Variants in TOMM70 observed in about 807,000 individuals in gnomAD.
The protein encoded by TOMM70 is mitochondrial import receptor subunit TOM70.
A neutral mutation model predicts 73.6 loss-of-function variants in TOMM70; 13 were observed. The ratio of observed to expected loss-of-function variants is 0.18; its 90% CI spans 0.11 to 0.28. TOMM70 has a LOEUF of 0.28. TOMM70 is among the 10% of genes least tolerant of loss of function. The pLI is 1.00. For synonymous variants in TOMM70, 257 were observed against 271.2 expected (o/e 0.95, Z 0.51); for missense variants, 609 against 747.5 (o/e 0.81, Z 2.16).
intron 5 of TOMM70, among the ~76,000 whole-genome samples, chr3:100,379,347 G>C (rs28655373): frequency 0.015 from 2,334 of 152,304 alleles, 30 homozygotes; most frequent in African/African-American, 0.04. Flanking sequence ...CGTCAGGCCA[G>C]ACATGGTGGC....
intron 9 of TOMM70, among the ~76,000 whole-genome samples, chr3:100,370,379 G>A (rs1386283042): frequency 2.0e-5 from 3 of 152,104 alleles, no homozygotes; most frequent in Non-Finnish European, 4.4e-5. Flanking sequence ...ACCATTAAGT[G>A]AGTGTACCAC....
At position 100,363,718 on chromosome 3, in the gene TOMM70, T is replaced by C. The variant is rs1252254791; in HGVS notation, c.*1846A>G. On this transcript the variant is annotated 3_prime_UTR_variant, in exon 12 of 12. Coordinates refer to ENST00000284320, the MANE Select transcript of TOMM70 (RefSeq NM_014820.5). The stretch of plus-strand genomic sequence containing the variant: ...TAAATACAGCCATGCAAATAAAAAC[T>C]TTTTTAAAGTCAGAGGTCATTCAGA... The C allele has an allele frequency of 6.6e-6, 1 of 152,618 alleles. No individual in the cohort carries two copies. Among genetic ancestry groups the C allele is most frequent in the Non-Finnish European group, 1.5e-5 (1 of 68,024 alleles). The allele number at this position is 152,618 out of a possible 1,614,324, so 9.5% of individuals were successfully genotyped here. A position where few individuals can be genotyped will look rare whatever the true frequency, so the allele number is the denominator to read the frequency against.
At position 100,381,739 on chromosome 3, in the gene TOMM70, G is replaced by A; in HGVS notation, c.760C>T (p.Pro254Ser). The A allele has an allele frequency of 1.2e-6, 2 of 1,604,620 alleles. No homozygotes were observed. Among genetic ancestry groups the A allele is most frequent in the Non-Finnish European group, 1.7e-6 (2 of 1,174,578 alleles). ...CTGAAGTAAGATTTGATAAACTGTG[G>A]AGATGGCATCAGAGGTTCACGATTC... ...YKNREPLMPS[P>S]QFIKSYFSSF... is the part of the protein sequence containing the mutation. The change falls in exon 5 of 12, where the codon CCA becomes TCA. Residue 254 changes from proline to serine, a missense_variant. Physicochemically the swap from Pro to Ser is moderately conservative, Grantham distance 74 (BLOSUM62 -1). Coordinates refer to ENST00000284320, the MANE Select transcript of TOMM70 (RefSeq NM_014820.5).
At position 100,381,682 on chromosome 3, in the gene TOMM70, T is replaced by C. The variant is rs1003846805; in HGVS notation, c.817A>G (p.Met273Val). The C allele has an allele frequency of 2.5e-6, 4 of 1,613,262 alleles. No individual in the cohort carries two copies. The highest frequency in any genetic ancestry group is 1.3e-5 in the African/African-American group (1 of 74,994). Residue 273 changes from methionine to valine, a missense_variant, in exon 5 of 12, where the codon ATG becomes GTG. Physicochemically the swap from Met to Val is conservative, Grantham distance 21. Coordinates refer to ENST00000284320, the MANE Select transcript of TOMM70 (RefSeq NM_014820.5). The stretch of plus-strand genomic sequence containing the variant: ...TCATCAGATTTCTCTCCTTTAAGCA[T>C]GGGCTGGGAAATGATATCATCCGTG... ...SFTDDIISQP[M>V]LKGEKSDEDK...
At chr3:100,395,675 C>CACAT (rs143754052) in intron 1 of TOMM70, among the ~76,000 whole-genome samples, 1 of 151,818 alleles carries the variant, frequency 6.6e-6, no homozygotes, top group Non-Finnish European at 1.5e-5. Flanking sequence ...TACACACACA[C>CACAT]ATATATAAAA....
intron 1 of TOMM70, among the ~76,000 whole-genome samples, chr3:100,398,383 CAA>C (rs397970636): frequency 3.1e-4 from 30 of 97,976 alleles, no homozygotes; most frequent in African/African-American, 5.3e-4. Flanking sequence ...GACGCTGTCT[CAA>C]AAAAAAAAAA....
chr3:100,390,251 T>C (rs1249761920), intron 1 of TOMM70, among the ~76,000 whole-genome samples: 4 of 152,218 alleles, frequency 2.6e-5, no homozygotes, highest in South Asian at 4.1e-4. Flanking sequence ...TGAAGGACCA[T>C]ACTGTAGACT....
At position 100,368,108 on chromosome 3, in the gene TOMM70, C is replaced by T. The variant is rs1450243433; in HGVS notation, c.1609G>A (p.Ala537Thr). Residue 537 changes from alanine to threonine, a missense_variant, in exon 11 of 12, where the codon GCT (alanine) becomes ACT (threonine). Around this residue, in one of 2 missense-constraint regions of TOMM70, gnomAD observed 432 missense variants for 584.1 expected, o/e 0.74. Coordinates refer to ENST00000284320, the MANE Select transcript of TOMM70 (RefSeq NM_014820.5). ...LDRGLELISKAIEIDNKCDFA... is the reference protein window; with the variant it reads ...LDRGLELISKTIEIDNKCDFA... ...TCACATTTATTGTCAATTTCAATAG[C>T]CTTGCTGATAAGTTCCAAACCTCTA... 2 of 1,613,724 alleles carry T rather than the reference C, an allele frequency of 1.2e-6. No homozygotes were observed. Among genetic ancestry groups the T allele is most frequent in the African/African-American group, 2.7e-5 (2 of 74,862 alleles).
rs1198742970 is a variant in TOMM70, at chr3:100,400,722, G to A, written c.228C>T (p.Gly76=). Residue 76 remains glycine (G), a synonymous_variant, in exon 1 of 12, where the codon GGC becomes GGT. Transcript: ENST00000284320. ...TCTTCCGTTCGCTGTTGCGCTTCAGGCCGCTGGCGTCGCCCCGGCCTCTGG... is the reference window on the plus strand; with the variant it reads ...TCTTCCGTTCGCTGTTGCGCTTCAGACCGCTGGCGTCGCCCCGGCCTCTGG... ...REARGRGDAS[G]LKRNSERKTP... is the part of the protein sequence containing the mutation. The A allele has an allele frequency of 2.5e-6, 4 of 1,608,760 alleles. No homozygotes were observed. The African/African-American group carries it at 5.3e-5, about 22-fold the overall frequency.
At chr3:100,394,008 T>C (rs1282981591) in intron 1 of TOMM70, among the ~76,000 whole-genome samples, 1 of 152,264 alleles carries the variant, frequency 6.6e-6, no homozygotes, top group South Asian at 2.1e-4. Context: ...CTGTCAATGA[T>C]ATACATCTGG....
chr3:100,381,568 A>G, intron 5 of TOMM70, 47 bp downstream of exon 5: 1 of 1,569,978 alleles, frequency 6.4e-7, no homozygotes, highest in Non-Finnish European at 8.7e-7. Flanking sequence ...GGAAAGTTCA[A>G]AGCACCCAAA....
At chr3:100,376,863 ACAT>A (rs1249808281) in intron 6 of TOMM70, among the ~76,000 whole-genome samples, 1 of 152,198 alleles carries the variant, frequency 6.6e-6, no homozygotes, top group African/African-American at 2.4e-5. Context: ...ACAAATAATA[ACAT>A]CCTCCACAAT....
chr3:100,394,823 T>A (rs999950256), intron 1 of TOMM70, among the ~76,000 whole-genome samples: 2 of 152,106 alleles, frequency 1.3e-5, no homozygotes, highest in African/African-American at 4.8e-5. Context: ...TACTTTCATA[T>A]GAATCAAACC....
At chr3:100,385,527 T>C (rs1169817072) in intron 3 of TOMM70, among the ~76,000 whole-genome samples, 5 of 152,232 alleles carry the variant, frequency 3.3e-5, no homozygotes, top group Non-Finnish European at 7.3e-5. Flanking sequence ...AACTTTTAGA[T>C]TGTAGAAAAT....
chr3:100,368,274 T>TA (rs2148888506), intron 10 of TOMM70, 108 bp from the exon 11 acceptor site: 1 of 1,281,486 alleles, frequency 7.8e-7, no homozygotes, highest in Non-Finnish European at 1.1e-6. Flanking sequence ...TAAGTTAACT[T>TA]ATAACTTATA....
intron 1 of TOMM70, among the ~76,000 whole-genome samples, chr3:100,399,392 T>C (rs1014926785): frequency 3.3e-5 from 5 of 152,194 alleles, no homozygotes; most frequent in Non-Finnish European, 1.5e-5. Flanking sequence ...TGTATATACT[T>C]ATGTATAAAA....
chr3:100,376,125 C>T (rs1706561293), intron 6 of TOMM70, among the ~76,000 whole-genome samples: 1 of 152,122 alleles, frequency 6.6e-6, no homozygotes, highest in African/African-American at 2.4e-5. Flanking sequence ...TTTTGGTTTG[C>T]ATTTCCCTAA....
At chr3:100,399,794 G>A (rs1419197588) in intron 1 of TOMM70, among the ~76,000 whole-genome samples, 1 of 145,318 alleles carries the variant, frequency 6.9e-6, no homozygotes, top group African/African-American at 2.6e-5. Flanking sequence ...AGGGGGCTGT[G>A]TGCAACCAAG....
In TOMM70 at chr3:100,365,671, G is replaced by C; in HGVS notation, c.1720C>G (p.Leu574Val). 2 of 1,614,158 alleles carry C rather than the reference G, an allele frequency of 1.2e-6. No individual in the cohort carries two copies. The highest frequency in any genetic ancestry group is 1.7e-6 in the Non-Finnish European group (2 of 1,180,014). The change falls in exon 12 of 12, where the codon CTG (leucine) becomes GTG (valine). Residue 574 changes from leucine (L) to valine (V), a missense_variant. Physicochemically the swap from Leu to Val is conservative, Grantham distance 32 (BLOSUM62 1). Coordinates refer to ENST00000284320, the MANE Select transcript of TOMM70 (RefSeq NM_014820.5). ...AIDMFNKAIN[L>V]AKSEMEMAHL... ...GCCATCTCCATTTCCGATTTGGCCA[G>C]GTTAATAGCTTTGTTGAACATGTCA...
Sources: gnomAD v4.1 joint callset for allele counts (sites outside exome capture counted in the v4.1 genomes callset) on GRCh38, gnomAD v4.1.1 for gene constraint, gnomAD v4.1.1 regional missense constraint, MANE v1.5 for transcripts, NCBI Gene and HGNC (gene_info 2026-07-23, HGNC 2026-07-21) for gene names.